DCLRE1A: variants seen among roughly 807,000 people sequenced by gnomAD.
The protein encoded by DCLRE1A is DNA cross-link repair 1A protein.
A neutral mutation model predicts 91.9 loss-of-function variants in DCLRE1A; 64 were observed. That is an observed-to-expected ratio of 0.70 (90% CI 0.57 to 0.86). DCLRE1A has a LOEUF of 0.86. DCLRE1A is among the 40% of genes least tolerant of loss of function. DCLRE1A has a pLI of 0.00. For missense variants in DCLRE1A, 1,145 were observed against 1,213.3 expected (o/e 0.94, Z 0.84); for synonymous variants, 416 against 431.1 (o/e 0.96, Z 0.43).
chr10:113,853,383 C>A lies in DCLRE1A; in HGVS notation c.-201G>T, dbSNP rs746944376. ...CAAACCTTGTACCTGACAACACCTG[C>A]TATTCCATTTATACCACAATGAAAC... On this transcript the variant is annotated 5_prime_UTR_variant, in exon 1 of 9. An upstream open reading frame in the 5' UTR loses its in-frame stop. Coordinates refer to ENST00000361384, the MANE Select transcript of DCLRE1A (RefSeq NM_014881.5). 6 of 519,638 alleles carry A rather than the reference C, an allele frequency of 1.2e-5. No homozygotes were observed. The highest frequency in any genetic ancestry group is 2.0e-5 in the Non-Finnish European group (6 of 299,340). The allele number at this position is 519,638 out of a possible 1,614,324, so 32.2% of individuals were successfully genotyped here.
In DCLRE1A at chr10:113,835,240, A is replaced by C. The variant is rs768849121; in HGVS notation, c.3035T>G (p.Ile1012Ser). Reference sequence around the variant, plus strand: ...GGTGCCCACATTTACAGTAGGTATGATTTTCTGGGGCTTCAGCCACTGGAC... The same window carrying C: ...GGTGCCCACATTTACAGTAGGTATGCTTTTCTGGGGCTTCAGCCACTGGAC... ...RFVQWLKPQK[I>S]IPTVNVGTWK... Residue 1012 changes from isoleucine to serine, a missense_variant, in exon 9 of 9, where the codon ATC becomes AGC. Coordinates refer to ENST00000361384, the MANE Select transcript of DCLRE1A (RefSeq NM_014881.5). 1.2e-6 allele frequency: 2 copies of C among 1,614,094 alleles called. No individual in the cohort carries two copies. Among genetic ancestry groups the C allele is most frequent in the Non-Finnish European group, 1.7e-6 (2 of 1,180,004 alleles).
At chr10:113,836,492 AT>A (rs1334345841) in intron 8 of DCLRE1A, among the ~76,000 whole-genome samples, 3 of 152,282 alleles carry the variant, frequency 2.0e-5, no homozygotes, top group African/African-American at 7.2e-5. Context: ...AAAAGAAAAA[AT>A]AACACACCGT....
chr10:113,848,531 C>T (rs554367034), intron 2 of DCLRE1A, among the ~76,000 whole-genome samples: 103 of 152,248 alleles, frequency 6.8e-4, no homozygotes, highest in Non-Finnish European at 1.3e-3. Context: ...AGTTCTAATA[C>T]GGTTTTAAAA....
intron 4 of DCLRE1A, 109 bp downstream of exon 4, chr10:113,845,576 A>G: frequency 1.2e-6 from 1 of 801,914 alleles, no homozygotes; most frequent in South Asian, 1.8e-5. Context: ...CTCAAGTTTT[A>G]AGAAATATCA....
At chr10:113,836,009 C>T (rs1029597817) in intron 8 of DCLRE1A, among the ~76,000 whole-genome samples, 3 of 152,054 alleles carry the variant, frequency 2.0e-5, no homozygotes, top group East Asian at 1.9e-4. Flanking sequence ...GGCACTTCCC[C>T]CTTTGTGCTC....
chr10:113,836,757 T>C (rs1327002792), intron 8 of DCLRE1A, among the ~76,000 whole-genome samples: 5 of 152,210 alleles, frequency 3.3e-5, no homozygotes, highest in Non-Finnish European at 7.3e-5. Context: ...CAATCTCACA[T>C]TGTCATCTAT....
chr10:113,847,048 C>A (rs923138254), intron 3 of DCLRE1A, among the ~76,000 whole-genome samples, 154 bp downstream of exon 3: 2 of 152,070 alleles, frequency 1.3e-5, no homozygotes, highest in African/African-American at 4.8e-5. Flanking sequence ...GACATCAACT[C>A]GTTTTAAGTT....
intron 4 of DCLRE1A, 51 bp downstream of exon 4, chr10:113,845,634 G>T: frequency 7.4e-7 from 1 of 1,355,428 alleles, no homozygotes; most frequent in Non-Finnish European, 1.1e-6. Flanking sequence ...CCAATGTGTT[G>T]TCCTTTTGAA....
intron 4 of DCLRE1A, 135 bp downstream of exon 4, chr10:113,845,550 A>G (rs1003899791): frequency 1.6e-5 from 11 of 678,280 alleles, no homozygotes; most frequent in Non-Finnish European, 2.5e-5. Flanking sequence ...TATTTTTCAA[A>G]AGGAGAAACA....
At chr10:113,840,786 G>A (rs935487570) in intron 7 of DCLRE1A, among the ~76,000 whole-genome samples, 4 of 152,072 alleles carry the variant, frequency 2.6e-5, no homozygotes, top group Non-Finnish European at 5.9e-5. Flanking sequence ...TAATATACAG[G>A]TTTGATGTAT....
At chr10:113,847,359 T>C in intron 2 of DCLRE1A, 24 bp from the exon 3 acceptor site, 2 of 1,612,318 alleles carry the variant, frequency 1.2e-6, no homozygotes, top group East Asian at 2.2e-5. Flanking sequence ...ACCGACACAG[T>C]AGGTTGAGCA....
Position 113,839,169 on chromosome 10 carries a change from G to C in DCLRE1A, c.2821-1966C>G, listed in dbSNP as rs200461781. On this transcript the variant is annotated intron_variant, in intron 7 of 8. Coordinates refer to ENST00000361384, the MANE Select transcript of DCLRE1A (RefSeq NM_014881.5). ...TGAAACCCCATCTCTACTAAAAATA[G>C]AAAAAATTAGCTGGGCATGGTGGCA... is the stretch of plus-strand genomic sequence containing the variant. 1.2e-4 allele frequency among the ~76,000 whole-genome samples: 18 copies of C among 151,476 alleles called. No homozygotes were observed. In the East Asian group the frequency reaches 1.8e-3, roughly 15 times the overall value.
In DCLRE1A at chr10:113,852,984, G is replaced by A; in HGVS notation, c.199C>T (p.Leu67Phe). The A allele has an allele frequency of 6.2e-7, 1 of 1,614,156 alleles. No individual in the cohort carries two copies. ...GAAGTCTGACAACCTGCATTTCCAA[G>A]GGGCACTTCATGGTCCTTCACCTCT... Reference protein sequence around the residue: ...AKEVKDHEVPLGNAGCQTSVA... With the variant: ...AKEVKDHEVPFGNAGCQTSVA... The change falls in exon 1 of 9, where the codon CTT becomes TTT. Residue 67 changes from leucine (L) to phenylalanine (F), a missense_variant. By Grantham distance (22) the Leu-to-Phe change is conservative (BLOSUM62 0). Coordinates refer to ENST00000361384, the MANE Select transcript of DCLRE1A (RefSeq NM_014881.5).
Position 113,841,494 on chromosome 10 carries a change from A to G in DCLRE1A, c.2732T>C (p.Leu911Pro), listed in dbSNP as rs769490685. Reference sequence around the variant, plus strand: ...GAGTGAATTAATTTCTGGTATATTGAGGCACTGTAGAGTTTTATATTTTTC... The same window carrying G: ...GAGTGAATTAATTTCTGGTATATTGGGGCACTGTAGAGTTTTATATTTTTC... ...SQEKYKTLQC[L>P]NIPEINSLIT... is the part of the protein sequence containing the mutation. Residue 911 changes from leucine (L) to proline (P), a missense_variant, in exon 7 of 9, where the codon CTC becomes CCC. Transcript: ENST00000361384. The G allele has an allele frequency of 6.2e-7, 1 of 1,613,630 alleles. No individual in the cohort carries two copies. Among genetic ancestry groups the G allele is most frequent in the South Asian group, 1.1e-5 (1 of 91,028 alleles).
rs767353105 is a variant in DCLRE1A at position 113,844,106 on chromosome 10, G to A, written c.2517C>T (p.Thr839=). 4.3e-6 allele frequency: 7 copies of A among 1,614,024 alleles called. No homozygotes were observed. Among genetic ancestry groups the A allele is most frequent in the Non-Finnish European group, 5.1e-6 (6 of 1,179,950 alleles). ...DQKVHMLYLD[T]TYCSPEYTFP... ...CACACAAAAAAAGCCTCTCTTACGT[G>A]GTATCTAAGTACAGCATATGGACTT... Residue 839 remains threonine (T), a splice_region_variant and synonymous_variant, in exon 5 of 9, where the codon ACC becomes ACT. Coordinates refer to ENST00000361384, the MANE Select transcript of DCLRE1A (RefSeq NM_014881.5).
intron 8 of DCLRE1A, among the ~76,000 whole-genome samples, chr10:113,836,083 G>A (rs753527650): frequency 6.6e-6 from 1 of 152,130 alleles, no homozygotes; most frequent in Non-Finnish European, 1.5e-5. Context: ...TTTGCCTTCT[G>A]TCATGATTGT....
chr10:113,845,707 C>G lies in DCLRE1A; in HGVS notation c.2356G>C (p.Val786Leu). 1 of 1,614,102 alleles carries G rather than the reference C, an allele frequency of 6.2e-7. No homozygotes were observed. The highest frequency in any genetic ancestry group is 8.5e-7 in the Non-Finnish European group (1 of 1,179,990). The stretch of plus-strand genomic sequence containing the variant: ...TACTGATTGGCATCAAGCAAAACAA[C>G]TTTGACACCATTCACAATACATTCA... The part of the protein sequence containing the change: ...DTECIVNGVK[V>L]VLLDANHCPG... Residue 786 changes from valine to leucine, a missense_variant, in exon 4 of 9, where the codon GTT becomes CTT. Transcript: ENST00000361384.
chr10:113,849,467 T>C lies in DCLRE1A; in HGVS notation c.1638A>G (p.Ala546=), dbSNP rs1298886074. The C allele has an allele frequency of 2.5e-6, 4 of 1,614,034 alleles. No homozygotes were observed. Among genetic ancestry groups the C allele is most frequent in the Non-Finnish European group, 3.4e-6 (4 of 1,180,030 alleles). The stretch of plus-strand genomic sequence containing the variant: ...TCATTACCTTGGTAGAAGGATGTCT[T>C]GCATTATACTTAAGACCAGAAGGCA... The part of the protein sequence containing the change: ...KILPSGLKYN[A]RHPSTKVMKQ... The change falls in exon 2 of 9, where the codon GCA becomes GCG. Residue 546 remains alanine (A), a synonymous_variant. Transcript: ENST00000361384.
Position 113,849,896 on chromosome 10 carries a change from A to G in DCLRE1A, c.1209T>C (p.Thr403=). 6.2e-7 allele frequency: 1 copy of G among 1,613,958 alleles called. No homozygotes were observed. The change falls in exon 2 of 9, where the codon ACT becomes ACC. Residue 403 remains threonine, a synonymous_variant. Coordinates refer to ENST00000361384, the MANE Select transcript of DCLRE1A (RefSeq NM_014881.5). ...ESTLPYDLAC[T]GGDFVLFPPA... ...GTGGAAACAACACAAAATCACCACC[A>G]GTACATGCCAGATCATAAGGCAAAG... is the stretch of plus-strand genomic sequence containing the variant.
Sources: gnomAD v4.1 joint callset for allele counts (sites outside exome capture counted in the v4.1 genomes callset) on GRCh38, gnomAD v4.1.1 for gene constraint, MANE v1.5 for transcripts, NCBI Gene and HGNC (gene_info 2026-07-23, HGNC 2026-07-21) for gene names.